The following PRKCE variants were observed in gnomAD, a reference collection of about 807,000 sequenced individuals.
PRKCE encodes the protein protein kinase C epsilon.
PRKCE carries 16 observed loss-of-function variants against 85.4 expected under a neutral mutation model. That is an observed-to-expected ratio of 0.19 (90% CI 0.13 to 0.28). The LOEUF (loss-of-function observed/expected upper bound fraction) is 0.28. PRKCE is among the 10% of genes least tolerant of loss of function. PRKCE has a pLI of 1.00. For synonymous variants in PRKCE, 388 were observed against 371.5 expected (o/e 1.04, Z -0.51); for missense variants, 573 against 975.2 (o/e 0.59, Z 5.49).
chr2:46,031,266 C>T (rs1189751743), intron 10 of PRKCE, among the ~76,000 whole-genome samples: 1 of 152,152 alleles, frequency 6.6e-6, no homozygotes, highest in Non-Finnish European at 1.5e-5. Context: ...TTTGTTGGCT[C>T]TCAGCCTGCT....
intron 2 of PRKCE, among the ~76,000 whole-genome samples, chr2:45,857,561 C>T (rs112121997): frequency 0.026 from 3,937 of 152,132 alleles, 64 homozygotes; most frequent in Middle Eastern, 0.082. Flanking sequence ...TTCATTGTTT[C>T]GATGGATTGA....
intron 6 of PRKCE, among the ~76,000 whole-genome samples, chr2:45,999,009 A>C (rs1704450409): frequency 6.6e-6 from 1 of 152,174 alleles, no homozygotes; most frequent in African/African-American, 2.4e-5. Context: ...ACTATCATTT[A>C]TTTCACTTAC....
intron 2 of PRKCE, among the ~76,000 whole-genome samples, chr2:45,885,226 G>A (rs1041663169): frequency 6.6e-6 from 1 of 151,926 alleles, no homozygotes; most frequent in Admixed American, 6.6e-5. Flanking sequence ...GAATTATGTT[G>A]TTAATACTGT....
At chr2:45,671,978 A>C (rs1676186711) in intron 1 of PRKCE, among the ~76,000 whole-genome samples, 1 of 150,982 alleles carries the variant, frequency 6.6e-6, no homozygotes, top group African/African-American at 2.4e-5. Context: ...CAGGAGGATC[A>C]CTTGAGCCTA....
At chr2:46,157,780 A>G (rs1677360417) in intron 13 of PRKCE, among the ~76,000 whole-genome samples, 1 of 152,200 alleles carries the variant, frequency 6.6e-6, no homozygotes, top group Non-Finnish European at 1.5e-5. Flanking sequence ...GAGCTGAGGA[A>G]GTGAGGAATC....
At position 45,733,905 on chromosome 2, in the gene PRKCE, A is replaced by C. The variant is rs570246633; in HGVS notation, c.348+81457A>C. Among the ~76,000 whole-genome samples, 29 of 152,286 alleles carry C rather than the reference A, an allele frequency of 1.9e-4. 1 individual carries two copies. The East Asian group carries it at 5.4e-3, about 28-fold the overall frequency. On this transcript the variant is annotated intron_variant, in intron 1 of 14. Transcript: ENST00000306156. Reference sequence around the variant, plus strand: ...CAACGATTTTGCTTTGAGCCTGTGCACATGGCATTCATTGTGTAGCAGTTT... The same window carrying C: ...CAACGATTTTGCTTTGAGCCTGTGCCCATGGCATTCATTGTGTAGCAGTTT...
intron 10 of PRKCE, among the ~76,000 whole-genome samples, chr2:46,030,223 A>T (rs192534806): frequency 6.6e-6 from 1 of 152,206 alleles, no homozygotes; most frequent in Non-Finnish European, 1.5e-5. Context: ...GCACTGGAGA[A>T]CCTTGCAGAT....
At chr2:45,955,518 C>T (rs965642581) in intron 2 of PRKCE, among the ~76,000 whole-genome samples, 7 of 152,308 alleles carry the variant, frequency 4.6e-5, no homozygotes, top group African/African-American at 1.4e-4. Context: ...TAGTTATAGG[C>T]TATTTACATG....
At chr2:46,019,910 C>A (rs950540133) in intron 10 of PRKCE, among the ~76,000 whole-genome samples, 3 of 140,080 alleles carry the variant, frequency 2.1e-5, no homozygotes, top group African/African-American at 8.3e-5. Flanking sequence ...AGTGCAACGG[C>A]GCAATCTCGG....
intron 14 of PRKCE, among the ~76,000 whole-genome samples, chr2:46,182,563 C>T (rs998440192): frequency 6.6e-6 from 1 of 152,068 alleles, no homozygotes; most frequent in African/African-American, 2.4e-5. Context: ...TGTGTGTCCC[C>T]CCCTTCCCCC....
At chr2:46,133,192 G>T (rs1386059870) in intron 11 of PRKCE, among the ~76,000 whole-genome samples, 1 of 152,150 alleles carries the variant, frequency 6.6e-6, no homozygotes, top group Admixed American at 6.5e-5. Context: ...CTTCCGCCAG[G>T]CTCCAAGAAC....
intron 2 of PRKCE, among the ~76,000 whole-genome samples, chr2:45,910,626 GA>G (rs1697316758): frequency 6.6e-6 from 1 of 152,204 alleles, no homozygotes. Context: ...ATCATTAAAT[GA>G]AGTGTTATCT....
chr2:45,945,916 C>G (rs1700213807), intron 2 of PRKCE, among the ~76,000 whole-genome samples: 1 of 152,226 alleles, frequency 6.6e-6, no homozygotes, highest in Non-Finnish European at 1.5e-5. Flanking sequence ...ACATGAATGG[C>G]CACTTATCCC....
intron 1 of PRKCE, among the ~76,000 whole-genome samples, chr2:45,728,162 T>C (rs2104522473): frequency 6.6e-6 from 1 of 152,286 alleles, no homozygotes; most frequent in South Asian, 2.1e-4. Flanking sequence ...GTCCTTCGTA[T>C]CCCATCAAGG....
chr2:46,086,350 G>A lies in PRKCE; in HGVS notation c.1580G>A (p.Gly527Glu), dbSNP rs1258913083. The A allele has an allele frequency of 6.3e-7, 1 of 1,599,360 alleles. No homozygotes were observed. Among genetic ancestry groups the A allele is most frequent in the Non-Finnish European group, 8.5e-7 (1 of 1,179,732 alleles). Residue 527 changes from glycine (G) to glutamate (E), a missense_variant, in exon 11 of 15, where the codon GGA (glycine) becomes GAA (glutamate). By Grantham distance (98) the Gly-to-Glu change is moderately conservative (BLOSUM62 -2). Coordinates refer to ENST00000306156, the MANE Select transcript of PRKCE (RefSeq NM_005400.3). ...TSALMFLHQH[G>E]VIYRDLKLDN... ...GCCCTCATGTTCCTCCACCAGCATG[G>A]AGTCATCTACAGGTAGCCTCTTCTC...
rs553960603 is a variant in PRKCE at position 46,024,633 on chromosome 2, G to T, written c.1437+14116G>T. Among the ~76,000 whole-genome samples, 2 of 152,316 alleles carry T rather than the reference G, an allele frequency of 1.3e-5. 1 individual carries two copies. Among genetic ancestry groups the T allele is most frequent in the African/African-American group, 4.8e-5 (2 of 41,572 alleles). Reference sequence around the variant, plus strand: ...TGCTGGTGCTAACAGATTTGGGCCTGAGAAGTTTGTGGCCTTCCCTGGACT... The same window carrying T: ...TGCTGGTGCTAACAGATTTGGGCCTTAGAAGTTTGTGGCCTTCCCTGGACT... On this transcript the variant is annotated intron_variant, in intron 10 of 14. Coordinates refer to ENST00000306156, the MANE Select transcript of PRKCE (RefSeq NM_005400.3).
At chr2:45,827,908 G>A (rs1237136031) in intron 1 of PRKCE, among the ~76,000 whole-genome samples, 1 of 152,140 alleles carries the variant, frequency 6.6e-6, no homozygotes. Flanking sequence ...TGAGACTTAT[G>A]CTTCGTTTCC....
chr2:45,962,686 C>T (rs1216088345), intron 2 of PRKCE, among the ~76,000 whole-genome samples: 1 of 152,120 alleles, frequency 6.6e-6, no homozygotes, highest in Non-Finnish European at 1.5e-5. Flanking sequence ...GAGGAGTTGC[C>T]AAGCCTTAAG....
chr2:45,710,602 T>A (rs887231691), intron 1 of PRKCE, among the ~76,000 whole-genome samples: 1 of 152,280 alleles, frequency 6.6e-6, no homozygotes, highest in Non-Finnish European at 1.5e-5. Flanking sequence ...CAGGCCAGGA[T>A]TCCCAGTCCC....
Sources: allele counts gnomAD v4.1 joint callset (sites outside exome capture counted in the v4.1 genomes callset), GRCh38; gene constraint gnomAD v4.1.1; transcripts MANE v1.5; gene names NCBI Gene and HGNC (gene_info 2026-07-23, HGNC 2026-07-21).